ANKRD9: variants seen among roughly 807,000 people sequenced by gnomAD.
The protein encoded by ANKRD9 is ankyrin repeat domain 9, also known as ankyrin repeat domain-containing protein 9.
A neutral mutation model predicts 19.2 loss-of-function variants in ANKRD9; 13 were observed. That is an observed-to-expected ratio of 0.68 (90% CI 0.44 to 1.08). The LOEUF is 1.08. Ranked by LOEUF, ANKRD9 falls within the 50% of genes least tolerant of loss-of-function variation. The probability of loss-of-function intolerance (pLI) is 0.00; values close to 1 mark genes in which losing one functional copy is unlikely to be tolerated. For missense variants in ANKRD9, 518 were observed against 499.9 expected (o/e 1.04, Z -0.34); for synonymous variants, 278 against 256.8 (o/e 1.08, Z -0.79).
chr14:102,508,877 G>C lies in ANKRD9; in HGVS notation c.-334-31C>G, dbSNP rs1337153476. 6.6e-6 allele frequency: 1 copy of C among 152,214 alleles called. No homozygotes were observed. Among genetic ancestry groups the C allele is most frequent in the Non-Finnish European group, 1.5e-5 (1 of 68,096 alleles). The allele number at this position is 152,214 out of a possible 1,614,324, so 9.4% of individuals were successfully genotyped here. A position where few individuals can be genotyped will look rare whatever the true frequency, so the allele number is the denominator to read the frequency against. ...ACTCAGGTCCCCTGCGTCTCAGTTT[G>C]GGCTCATTCCAGAATTGGTGGGGAC... is the stretch of plus-strand genomic sequence containing the variant. On this transcript the variant is annotated intron_variant, in intron 1 of 3. Coordinates refer to ENST00000286918, the MANE Select transcript of ANKRD9 (RefSeq NM_152326.4). The surrounding 1 kb of genome is among the most constrained non-coding windows in gnomAD (Gnocchi z 6.2).
rs1280275605 is a variant in ANKRD9 at position 102,507,441 on chromosome 14, C to T, written c.449G>A (p.Arg150Gln). 13 of 1,390,112 alleles carry T rather than the reference C, an allele frequency of 9.4e-6. No homozygotes were observed. Among genetic ancestry groups the T allele is most frequent in the Non-Finnish European group, 1.2e-5 (13 of 1,067,760 alleles). The allele number at this position is 1,390,112 out of a possible 1,614,324, so 86.1% of individuals were successfully genotyped here. A position where few individuals can be genotyped will look rare whatever the true frequency, so the allele number is the denominator to read the frequency against. Reference sequence around the variant, plus strand: ...GCCCTCCACGCGGCTGCAGCCACGCCGGTCCAGCACGCGCGCCCGCTCCTC... The same window carrying T: ...GCCCTCCACGCGGCTGCAGCCACGCTGGTCCAGCACGCGCGCCCGCTCCTC... ...PAEERARVLD[R>Q]RGCSRVEGGG... Residue 150 changes from arginine to glutamine, a missense_variant, in exon 4 of 4, where the codon CGG (arginine) becomes CAG (glutamine). Arg to Gln is a conservative substitution (Grantham distance 43, BLOSUM62 1). Transcript: ENST00000286918. The surrounding 1 kb of genome is among the most constrained non-coding windows in gnomAD (Gnocchi z 9.2).
Position 102,506,528 on chromosome 14 carries a change from C to T in ANKRD9, c.*408G>A, listed in dbSNP as rs1017339750. 1 of 168,378 alleles carries T rather than the reference C, an allele frequency of 5.9e-6. No homozygotes were observed. The highest frequency in any genetic ancestry group is 2.4e-5 in the African/African-American group (1 of 42,174). The allele number at this position is 168,378 out of a possible 1,614,324, so 10.4% of individuals were successfully genotyped here. A position where few individuals can be genotyped will look rare whatever the true frequency, so the allele number is the denominator to read the frequency against. ...GGTGCAAAAGGCTGACCGCACAGGA[C>T]CTCCCGTGAGAACCCTACGCTGCAG... On this transcript the variant is annotated 3_prime_UTR_variant, in exon 4 of 4. Transcript: ENST00000286918.
At position 102,506,857 on chromosome 14, in the gene ANKRD9, A is replaced by T; in HGVS notation, c.*79T>A. 1.5e-6 allele frequency: 2 copies of T among 1,359,170 alleles called. No individual in the cohort carries two copies. Among genetic ancestry groups the T allele is most frequent in the South Asian group, 3.7e-5 (2 of 54,578 alleles). The allele number at this position is 1,359,170 out of a possible 1,614,324, so 84.2% of individuals were successfully genotyped here. A position where few individuals can be genotyped will look rare whatever the true frequency, so the allele number is the denominator to read the frequency against. Reference sequence around the variant, plus strand: ...GAGGCAGAGATTGTGCCGTACAGAGATCAATATATATAAAGTGCCGGTACA... The same window carrying T: ...GAGGCAGAGATTGTGCCGTACAGAGTTCAATATATATAAAGTGCCGGTACA... On this transcript the variant is annotated 3_prime_UTR_variant, in exon 4 of 4. Transcript: ENST00000286918.
rs183437621 is a variant in ANKRD9 at position 102,506,590 on chromosome 14, T to C, written c.*346A>G. On this transcript the variant is annotated 3_prime_UTR_variant, in exon 4 of 4. Transcript: ENST00000286918. ...TTGGCTTCCAGGCCTTTTTATACGC[T>C]GTCCTGCTGCTTGGACATGCCAGTC... 3 of 240,288 alleles carry C rather than the reference T, an allele frequency of 1.2e-5. No homozygotes were observed. The East Asian group carries it at 2.3e-4, about 19-fold the overall frequency. The allele number at this position is 240,288 out of a possible 1,614,324, so 14.9% of individuals were successfully genotyped here.
In ANKRD9 at chr14:102,505,603, CTGAA is replaced by C. The variant is rs1891565954; in HGVS notation, c.*1329_*1332del. Reference sequence around the variant, plus strand: ...GTGGCTGAAGATGGCCCAAAACCTCCTGAATGGAAAAACCTTGATGGGGAGACTG... The same window carrying C: ...GTGGCTGAAGATGGCCCAAAACCTCCTGGAAAAACCTTGATGGGGAGACTG... On this transcript the variant is annotated 3_prime_UTR_variant, in exon 4 of 4. Transcript: ENST00000286918. 1 of 152,326 alleles carries C rather than the reference CTGAA, an allele frequency of 6.6e-6. No homozygotes were observed. 9.4% of individuals were successfully genotyped at this position (152,326 alleles called of 1,614,324 possible).
At position 102,502,754 on chromosome 14, in the gene ANKRD9, C is replaced by T. The variant is rs1891475869; in HGVS notation, c.*4182G>A. 1.3e-5 allele frequency: 2 copies of T among 152,142 alleles called. No homozygotes were observed. The highest frequency in any genetic ancestry group is 4.8e-5 in the African/African-American group (2 of 41,422). 9.4% of individuals were successfully genotyped at this position (152,142 alleles called of 1,614,324 possible). The stretch of plus-strand genomic sequence containing the variant: ...AGTGCTTGTATGCGTGCAGATGACG[C>T]ACTCAGTCAGCGCCTTTACTTGTAC... On this transcript the variant is annotated 3_prime_UTR_variant, in exon 4 of 4. Coordinates refer to ENST00000286918, the MANE Select transcript of ANKRD9 (RefSeq NM_152326.4).
In ANKRD9 at chr14:102,507,160, C is replaced by A; in HGVS notation, c.730G>T (p.Ala244Ser). The change falls in exon 4 of 4, where the codon GCC (alanine) becomes TCC (serine). Residue 244 changes from alanine (A) to serine (S), a missense_variant. By Grantham distance (99) the Ala-to-Ser change is moderately conservative. Transcript: ENST00000286918. The surrounding 1 kb of genome is among the most constrained non-coding windows in gnomAD (Gnocchi z 9.2). ...AGCAGCTCCTGGCGGGCCGAGCCGG[C>A]GGCACCCACGGGGGTGTACAGCGCC... ...LLALYTPVGA[A>S]GSARQELLGD... 1 of 1,417,220 alleles carries A rather than the reference C, an allele frequency of 7.1e-7. No individual in the cohort carries two copies. The highest frequency in any genetic ancestry group is 9.1e-7 in the Non-Finnish European group (1 of 1,092,900). The allele number at this position is 1,417,220 out of a possible 1,614,324, so 87.8% of individuals were successfully genotyped here. A position where few individuals can be genotyped will look rare whatever the true frequency, so the allele number is the denominator to read the frequency against.
rs1595158664 is a variant in ANKRD9 at position 102,507,695 on chromosome 14, C to T, written c.195G>A (p.Gly65=). The T allele has an allele frequency of 6.5e-7, 1 of 1,548,408 alleles. No individual in the cohort carries two copies. Among genetic ancestry groups the T allele is most frequent in the African/African-American group, 1.4e-5 (1 of 72,626 alleles). Residue 65 remains glycine, a synonymous_variant, in exon 4 of 4, where the codon GGG becomes GGA. Coordinates refer to ENST00000286918, the MANE Select transcript of ANKRD9 (RefSeq NM_152326.4). The surrounding 1 kb of genome is among the most constrained non-coding windows in gnomAD (Gnocchi z 9.2). ...CAGAGGGCGAGTAGGCGGCGGCGCGCCCGCGCTCGTCCCAGTGGAAGGCCT... is the reference window on the plus strand; with the variant it reads ...CAGAGGGCGAGTAGGCGGCGGCGCGTCCGCGCTCGTCCCAGTGGAAGGCCT... The part of the protein sequence containing the change: ...ASEAFHWDER[G]RAAAYSPSEA...
At position 102,507,680 on chromosome 14, in the gene ANKRD9, G is replaced by A. The variant is rs1208891641; in HGVS notation, c.210C>T (p.Tyr70=). The A allele has an allele frequency of 6.4e-7, 1 of 1,555,370 alleles. No homozygotes were observed. Among genetic ancestry groups the A allele is most frequent in the African/African-American group, 1.4e-5 (1 of 72,400 alleles). The part of the protein sequence containing the change: ...HWDERGRAAA[Y]SPSEALLYAL... ...CGTAGAGCAGCGCCTCAGAGGGCGA[G>A]TAGGCGGCGGCGCGCCCGCGCTCGT... The change falls in exon 4 of 4, where the codon TAC becomes TAT. Residue 70 remains tyrosine (Y), a synonymous_variant. Transcript: ENST00000286918. This position sits in a 1 kb window ranked among gnomAD's most constrained non-coding sequence, Gnocchi z 9.2.
chr14:102,502,407 T>C lies in ANKRD9; in HGVS notation c.*4529A>G, dbSNP rs1891465496. 6.5e-6 allele frequency: 1 copy of C among 152,680 alleles called. No homozygotes were observed. The highest frequency in any genetic ancestry group is 6.5e-5 in the Admixed American group (1 of 15,286). 9.5% of individuals were successfully genotyped at this position (152,680 alleles called of 1,614,324 possible). ...GTTGCCTGGAGTATATGCCTTTTTGTATCCTTTGAATTTCCAGCCATGTAA... is the reference window on the plus strand; with the variant it reads ...GTTGCCTGGAGTATATGCCTTTTTGCATCCTTTGAATTTCCAGCCATGTAA... On this transcript the variant is annotated 3_prime_UTR_variant, in exon 4 of 4. Transcript: ENST00000286918.
chr14:102,505,464 C>CT lies in ANKRD9; in HGVS notation c.*1471dup, dbSNP rs1298164267. 3 of 152,476 alleles carry CT rather than the reference C, an allele frequency of 2.0e-5. No homozygotes were observed. Among genetic ancestry groups the CT allele is most frequent in the Non-Finnish European group, 2.9e-5 (2 of 68,190 alleles). 9.4% of individuals were successfully genotyped at this position (152,476 alleles called of 1,614,324 possible). Reference sequence around the variant, plus strand: ...CTCACTCCAGCCTGCAGTCTGGGCTCTGTCACTGTGCTGTCTCTCCATCCT... The same window carrying CT: ...CTCACTCCAGCCTGCAGTCTGGGCTCTTGTCACTGTGCTGTCTCTCCATCCT... On this transcript the variant is annotated 3_prime_UTR_variant, in exon 4 of 4. Transcript: ENST00000286918.
At chr14:102,509,182 A>T (rs962515317) in intron 1 of ANKRD9, 2 of 151,848 alleles carry the variant, frequency 1.3e-5, no homozygotes, top group African/African-American at 4.8e-5. Flanking sequence ...CCCCTTCCCC[A>T]AGCCTGGGCC....
Position 102,508,041 on chromosome 14 carries a change from C to G in ANKRD9, c.-53-99G>C, listed in dbSNP as rs1178603936. The G allele has an allele frequency of 9.2e-6, 8 of 867,088 alleles. No individual in the cohort carries two copies. The highest frequency in any genetic ancestry group is 1.1e-5 in the Non-Finnish European group (8 of 702,388). The allele number at this position is 867,088 out of a possible 1,614,324, so 53.7% of individuals were successfully genotyped here. The stretch of plus-strand genomic sequence containing the variant: ...ACACAGCCCCTCCGGTCCTGGCCCA[C>G]CAGGCCTGTACCTACCTCCAGCCTC... On this transcript the variant is annotated intron_variant, in intron 3 of 3. Transcript: ENST00000286918. This position sits in a 1 kb window ranked among gnomAD's most constrained non-coding sequence, Gnocchi z 6.2.
Position 102,507,331 on chromosome 14 carries a change from G to A in ANKRD9, c.559C>T (p.Leu187=). 1 of 1,302,250 alleles carries A rather than the reference G, an allele frequency of 7.7e-7. No individual in the cohort carries two copies. The highest frequency in any genetic ancestry group is 9.8e-7 in the Non-Finnish European group (1 of 1,021,184). The allele number at this position is 1,302,250 out of a possible 1,614,324, so 80.7% of individuals were successfully genotyped here. A position where few individuals can be genotyped will look rare whatever the true frequency, so the allele number is the denominator to read the frequency against. ...GGCGTGAGGCCGCCGCCGTCCCGCAGACCGGGCGAGGCGCCGTGGCCCAGC... is the reference window on the plus strand; with the variant it reads ...GGCGTGAGGCCGCCGCCGTCCCGCAAACCGGGCGAGGCGCCGTGGCCCAGC... The part of the protein sequence containing the change: ...LLLGHGASPG[L]RDGGGLTPLE... Residue 187 remains leucine, a synonymous_variant, in exon 4 of 4, where the codon CTG becomes TTG. Transcript: ENST00000286918. This position sits in a 1 kb window ranked among gnomAD's most constrained non-coding sequence, Gnocchi z 9.2.
At position 102,507,341 on chromosome 14, in the gene ANKRD9, G is replaced by GCA; in HGVS notation, c.548_549insTG (p.Ser184AlafsTer141). 1 of 1,315,718 alleles carries GCA rather than the reference G, an allele frequency of 7.6e-7. No individual in the cohort carries two copies. Among genetic ancestry groups the GCA allele is most frequent in the Non-Finnish European group, 9.7e-7 (1 of 1,028,844 alleles). 81.5% of individuals were successfully genotyped at this position (1,315,718 alleles called of 1,614,324 possible). Reference sequence around the variant, plus strand: ...CGCCGCCGTCCCGCAGACCGGGCGAGGCGCCGTGGCCCAGCAGCAGGAAGA... The same window carrying GCA: ...CGCCGCCGTCCCGCAGACCGGGCGAGCAGCGCCGTGGCCCAGCAGCAGGAAGA... On this transcript the variant is annotated frameshift_variant, in exon 4 of 4. Transcript: ENST00000286918. LOFTEE classifies it high-confidence loss of function. This position sits in a 1 kb window ranked among gnomAD's most constrained non-coding sequence, Gnocchi z 9.2.
rs1891580847 is a variant in ANKRD9, at chr14:102,506,048, C to A, written c.*888G>T. 6.6e-6 allele frequency: 1 copy of A among 152,188 alleles called. No individual in the cohort carries two copies. The highest frequency in any genetic ancestry group is 2.4e-5 in the African/African-American group (1 of 41,420). The allele number at this position is 152,188 out of a possible 1,614,324, so 9.4% of individuals were successfully genotyped here. A position where few individuals can be genotyped will look rare whatever the true frequency, so the allele number is the denominator to read the frequency against. ...AACAAGTCTCCATCTCCAGAACCTT[C>A]CTGAAGAAAACAGCTCTCCAGGCTG... On this transcript the variant is annotated 3_prime_UTR_variant, in exon 4 of 4. Transcript: ENST00000286918.
chr14:102,507,827 C>T lies in ANKRD9; in HGVS notation c.63G>A (p.Ala21=), dbSNP rs1271405877. ...ACTGCTTCTGCGCTCGCGAGCGCGCCGCGCCCGAGGCCTCGGGCCCGCCGT... is the reference window on the plus strand; with the variant it reads ...ACTGCTTCTGCGCTCGCGAGCGCGCTGCGCCCGAGGCCTCGGGCCCGCCGT... ...GADGGPEASG[A]ARSRAQKQCR... Residue 21 remains alanine, a synonymous_variant, in exon 4 of 4, where the codon GCG becomes GCA. Coordinates refer to ENST00000286918, the MANE Select transcript of ANKRD9 (RefSeq NM_152326.4). This position sits in a 1 kb window ranked among gnomAD's most constrained non-coding sequence, Gnocchi z 9.2. 7 of 1,371,908 alleles carry T rather than the reference C, an allele frequency of 5.1e-6. No individual in the cohort carries two copies. The highest frequency in any genetic ancestry group is 6.7e-6 in the Non-Finnish European group (7 of 1,046,634). 85.0% of individuals were successfully genotyped at this position (1,371,908 alleles called of 1,614,324 possible).
rs1367824106 is a variant in ANKRD9 at position 102,502,147 on chromosome 14, C to G, written c.*4789G>C. ...CACGTGTGTGCAGGAAGCGGAGGCGCAGGACCTCACCGCGCCAGCGTGAAG... is the reference window on the plus strand; with the variant it reads ...CACGTGTGTGCAGGAAGCGGAGGCGGAGGACCTCACCGCGCCAGCGTGAAG... On this transcript the variant is annotated 3_prime_UTR_variant, in exon 4 of 4. Transcript: ENST00000286918. 14 of 151,746 alleles carry G rather than the reference C, an allele frequency of 9.2e-5. No homozygotes were observed. The highest frequency in any genetic ancestry group is 4.4e-5 in the Non-Finnish European group (3 of 68,028). 9.4% of individuals were successfully genotyped at this position (151,746 alleles called of 1,614,324 possible). A position where few individuals can be genotyped will look rare whatever the true frequency, so the allele number is the denominator to read the frequency against.
In ANKRD9 at chr14:102,503,677, TGTAA is replaced by T. The variant is rs1891506960; in HGVS notation, c.*3255_*3258del. ...ACTTAAGTCTGTGCATTTTATTACATGTAAGTAACACCTCAATCTGAAAAGTATC... is the reference window on the plus strand; with the variant it reads ...ACTTAAGTCTGTGCATTTTATTACATGTAACACCTCAATCTGAAAAGTATC... On this transcript the variant is annotated 3_prime_UTR_variant, in exon 4 of 4. Coordinates refer to ENST00000286918, the MANE Select transcript of ANKRD9 (RefSeq NM_152326.4). The T allele has an allele frequency of 6.6e-6, 1 of 152,168 alleles. No individual in the cohort carries two copies. The highest frequency in any genetic ancestry group is 1.5e-5 in the Non-Finnish European group (1 of 68,040). The allele number at this position is 152,168 out of a possible 1,614,324, so 9.4% of individuals were successfully genotyped here.
Sources: allele counts gnomAD v4.1 joint callset, GRCh38; gene constraint gnomAD v4.1.1; non-coding constraint Gnocchi (gnomAD v3.1); transcripts MANE v1.5; gene names NCBI Gene and HGNC (gene_info 2026-07-23, HGNC 2026-07-21).